The following PIEZO2 variants were observed in gnomAD, a reference collection of about 807,000 sequenced individuals.
The protein encoded by PIEZO2 is piezo type mechanosensitive ion channel component 2, also known as piezo-type mechanosensitive ion channel component 2.
Under a neutral mutation model 337.3 loss-of-function variants are expected in PIEZO2, and 172 were observed. The ratio of observed to expected loss-of-function variants is 0.51; its 90% CI spans 0.45 to 0.58. The LOEUF (loss-of-function observed/expected upper bound fraction) is 0.58, where lower values mean the gene tolerates loss of function less well. Among genes scored for constraint, PIEZO2 ranks in the 20% least tolerant of loss-of-function variants. PIEZO2 has a pLI of 0.00. For synonymous variants in PIEZO2, 1,251 were observed against 1,228.5 expected, an observed-to-expected ratio of 1.02 and a Z score of -0.38; for missense variants, 3,028 against 3,391.3, an observed-to-expected ratio of 0.89 and a Z score of 2.66.
At chr18:10,725,717 C>G (rs1465095102) in intron 36 of PIEZO2, among the ~76,000 whole-genome samples, 4 of 152,202 alleles carry the variant, frequency 2.6e-5, no homozygotes, top group African/African-American at 4.8e-5. Flanking sequence ...ACTTCCTCTC[C>G]GACTTCTCTC....
intron 3 of PIEZO2, among the ~76,000 whole-genome samples, chr18:10,937,204 C>T (rs1226944482): frequency 1.3e-5 from 2 of 152,168 alleles, no homozygotes; most frequent in African/African-American, 4.8e-5. Context: ...CTAGGAACTA[C>T]TATGTGAATG....
intron 7 of PIEZO2, among the ~76,000 whole-genome samples, chr18:10,817,938 AG>A (rs1237892827): frequency 9.2e-5 from 14 of 151,524 alleles, no homozygotes; most frequent in African/African-American, 3.4e-4. Flanking sequence ...AAAAAAAAAA[AG>A]TAGGACTTTA....
intron 1 of PIEZO2, 65 bp from the exon 2 acceptor site, chr18:11,066,287 G>T: frequency 7.8e-7 from 1 of 1,281,430 alleles, no homozygotes. Context: ...CAAAACCAGG[G>T]GTGCATAACA....
intron 4 of PIEZO2, among the ~76,000 whole-genome samples, chr18:10,881,106 CAGTT>C (rs1233974686): frequency 7.3e-5 from 11 of 151,516 alleles, no homozygotes; most frequent in African/African-American, 2.4e-4. Context: ...AGAAAACAAA[CAGTT>C]AGCTTGTTTC....
At chr18:11,140,595 G>T (rs1249710681) in intron 1 of PIEZO2, among the ~76,000 whole-genome samples, 2 of 152,134 alleles carry the variant, frequency 1.3e-5, no homozygotes, top group Non-Finnish European at 2.9e-5. Context: ...TCTAGCTAAG[G>T]TCTAGAAACA....
chr18:10,725,453 T>A, intron 36 of PIEZO2: 1 of 1,582,202 alleles, frequency 6.3e-7, no homozygotes, highest in Non-Finnish European at 8.6e-7. Context: ...TGCTGTGGCA[T>A]GAAATAGGTC....
At chr18:11,119,768 T>C (rs2039983296) in intron 1 of PIEZO2, among the ~76,000 whole-genome samples, 1 of 152,170 alleles carries the variant, frequency 6.6e-6, no homozygotes, top group Admixed American at 6.5e-5. Context: ...GAGGAATAGA[T>C]GTGGGAGGCG....
chr18:11,085,317 A>T (rs896715336), intron 1 of PIEZO2, among the ~76,000 whole-genome samples: 1 of 152,180 alleles, frequency 6.6e-6, no homozygotes. Flanking sequence ...AATCTGGACA[A>T]CCCATCTCTC....
chr18:11,081,759 CTTTT>C (rs547000060), intron 1 of PIEZO2, among the ~76,000 whole-genome samples: 1 of 137,472 alleles, frequency 7.3e-6, no homozygotes. Context: ...CTCAACTCAA[CTTTT>C]TTTTTTTTTT....
chr18:11,019,842 G>A (rs2036249993), intron 2 of PIEZO2, among the ~76,000 whole-genome samples: 1 of 152,014 alleles, frequency 6.6e-6, no homozygotes, highest in Admixed American at 6.5e-5. Flanking sequence ...ATGACAATCT[G>A]TAATGAAATT....
At chr18:10,763,133 A>G (rs1380492779) in intron 21 of PIEZO2, 35 bp from the exon 22 acceptor site, 4 of 1,526,104 alleles carry the variant, frequency 2.6e-6, no homozygotes, top group South Asian at 1.2e-5. Flanking sequence ...GGACAAAAAT[A>G]CGTAACACGG....
chr18:10,691,701 C>A (rs2034835708), intron 47 of PIEZO2, among the ~76,000 whole-genome samples: 1 of 148,970 alleles, frequency 6.7e-6, no homozygotes, highest in Non-Finnish European at 1.5e-5. Flanking sequence ...CTACCATAGT[C>A]CAAATTAGAC....
chr18:10,761,311 A>G (rs2143865880), intron 23 of PIEZO2, among the ~76,000 whole-genome samples, 200 bp from the exon 24 acceptor site: 1 of 152,368 alleles, frequency 6.6e-6, no homozygotes, highest in Non-Finnish European at 1.5e-5. Flanking sequence ...GCTAACTTCC[A>G]AAGTCATAGG....
chr18:10,938,809 G>A (rs1335907801), intron 3 of PIEZO2, among the ~76,000 whole-genome samples: 3 of 152,162 alleles, frequency 2.0e-5, no homozygotes, highest in East Asian at 1.9e-4. Context: ...ACATTAGGCC[G>A]GGCACAGTGG....
At chr18:10,981,313 G>C (rs1249250955) in intron 2 of PIEZO2, among the ~76,000 whole-genome samples, 1 of 151,884 alleles carries the variant, frequency 6.6e-6, no homozygotes, top group African/African-American at 2.4e-5. Context: ...ACACATAATA[G>C]ATATGAAATC....
rs1273475666 is a variant in PIEZO2, at chr18:10,682,746, A to G, written c.7498-454T>C. Among the ~76,000 whole-genome samples the G allele has an allele frequency of 6.6e-6, 1 of 152,228 alleles. No individual in the cohort carries two copies. The highest frequency in any genetic ancestry group is 2.4e-5 in the African/African-American group (1 of 41,452). ...TGCCCTTGGAGGGTGAAAAAACATG[A>G]TTTTTAATTTAATTCATGACACGTG... On this transcript the variant is annotated intron_variant, in intron 49 of 55. Transcript: ENST00000674853. The surrounding 1 kb of genome is among the most constrained non-coding windows in gnomAD (Gnocchi z 5.6).
Position 10,980,883 on chromosome 18 carries a change from A to G in PIEZO2, c.161-1223T>C, listed in dbSNP as rs2034637361. 6.6e-6 allele frequency among the ~76,000 whole-genome samples: 1 copy of G among 152,178 alleles called. No individual in the cohort carries two copies. Among genetic ancestry groups the G allele is most frequent in the South Asian group, 2.1e-4 (1 of 4,830 alleles). On this transcript the variant is annotated intron_variant, in intron 2 of 55. Transcript: ENST00000674853. The surrounding 1 kb of genome is among the most constrained non-coding windows in gnomAD (Gnocchi z 4.8). ...CAGATGTCATGAAAGTCCATAATCA[A>G]AGTGGTTAACTAAGGGAGACTATCC...
At chr18:11,075,506 T>C (rs2038498390) in intron 1 of PIEZO2, among the ~76,000 whole-genome samples, 1 of 152,218 alleles carries the variant, frequency 6.6e-6, no homozygotes, top group South Asian at 2.1e-4. Flanking sequence ...ACAGCGATGC[T>C]TTAGAGCAGC....
rs2039558876 is a variant in PIEZO2, at chr18:10,795,384, AT to A, written c.1528-383del. Among the ~76,000 whole-genome samples the A allele has an allele frequency of 2.0e-4, 5 of 24,486 alleles. No individual in the cohort carries two copies. The highest frequency in any genetic ancestry group is 3.1e-4 in the Non-Finnish European group (3 of 9,792). The allele number at this position is 24,486 out of a possible 152,430, so 16.1% of individuals were successfully genotyped here. A position where few individuals can be genotyped will look rare whatever the true frequency, so the allele number is the denominator to read the frequency against. Reference sequence around the variant, plus strand: ...ATTTTATTTTATTTTATTTTATTTTATTTTATTTTATTTTATTTTATTTTAT... The same window carrying A: ...ATTTTATTTTATTTTATTTTATTTTATTTATTTTATTTTATTTTATTTTAT... On this transcript the variant is annotated intron_variant, in intron 12 of 55. Coordinates refer to ENST00000674853, the MANE Select transcript of PIEZO2 (RefSeq NM_001378183.1). The surrounding 1 kb of genome is among the most constrained non-coding windows in gnomAD (Gnocchi z 4.4).
Sources: allele counts gnomAD v4.1 joint callset (sites outside exome capture counted in the v4.1 genomes callset), GRCh38; gene constraint gnomAD v4.1.1; non-coding constraint Gnocchi (gnomAD v3.1); transcripts MANE v1.5; gene names NCBI Gene and HGNC (gene_info 2026-07-23, HGNC 2026-07-21).